Variants in ZBTB46 observed in about 807,000 individuals in gnomAD.
ZBTB46 encodes the protein zinc finger and BTB domain containing 46, also known as zinc finger and BTB domain-containing protein 46.
A neutral mutation model predicts 44.1 loss-of-function variants in ZBTB46; 8 were observed. That is an observed-to-expected ratio of 0.18 (90% CI 0.11 to 0.33). The LOEUF is 0.33. ZBTB46 is among the 10% of genes least tolerant of loss of function. The probability of loss-of-function intolerance (pLI) is 1.00; values close to 1 mark genes in which losing one functional copy is unlikely to be tolerated. For synonymous variants in ZBTB46, 409 were observed against 382.3 expected (o/e 1.07, Z -0.81); for missense variants, 651 against 847.7 (o/e 0.77, Z 2.88).
chr20:63,804,491 G>C (rs1428877778), intron 1 of ZBTB46, among the ~76,000 whole-genome samples: 2 of 152,050 alleles, frequency 1.3e-5, no homozygotes, highest in Non-Finnish European at 2.9e-5. Flanking sequence ...TTCTTACACT[G>C]ACAGCACACA....
At chr20:63,826,134 G>T (rs1264312089) in intron 1 of ZBTB46, among the ~76,000 whole-genome samples, 1 of 152,258 alleles carries the variant, frequency 6.6e-6, no homozygotes, top group Non-Finnish European at 1.5e-5. Flanking sequence ...CTGTGCAAGA[G>T]GCTTCATTTT....
chr20:63,777,069 ACGCCACGGTTCCAC>A (rs2092432000), intron 2 of ZBTB46, among the ~76,000 whole-genome samples: 1 of 43,536 alleles, frequency 2.3e-5, no homozygotes, highest in Admixed American at 2.6e-4. Flanking sequence ...GTTCCAGCAC[ACGCCACGGTTCCAC>A]CACACGCCAC....
intron 1 of ZBTB46, among the ~76,000 whole-genome samples, chr20:63,798,971 C>T (rs1187117506): frequency 6.6e-6 from 1 of 152,124 alleles, no homozygotes; most frequent in Non-Finnish European, 1.5e-5. Flanking sequence ...TGGCCGCAGC[C>T]ATCTGTCCAG....
chr20:63,758,073 G>C (rs2092239142), intron 3 of ZBTB46, among the ~76,000 whole-genome samples: 1 of 8,774 alleles, frequency 1.1e-4, no homozygotes, highest in Non-Finnish European at 1.8e-4. Flanking sequence ...CCCTCCACCC[G>C]CCCATCCAGA....
intron 3 of ZBTB46, among the ~76,000 whole-genome samples, chr20:63,764,063 G>T (rs895598080): frequency 1.3e-5 from 2 of 151,746 alleles, no homozygotes; most frequent in African/African-American, 4.8e-5. Context: ...CGACCTCCTG[G>T]GCTCAAGCGA....
At chr20:63,770,694 CGGACGCT>C (rs1016156201) in intron 3 of ZBTB46, among the ~76,000 whole-genome samples, 3 of 123,602 alleles carry the variant, frequency 2.4e-5, no homozygotes, top group Non-Finnish European at 5.5e-5. Context: ...TTGCCACGGC[CGGACGCT>C]GTTTGTTGAA....
intron 1 of ZBTB46, among the ~76,000 whole-genome samples, chr20:63,819,311 T>C (rs6011155): frequency 0.42 from 63,258 of 152,030 alleles, 13,592 homozygotes; most frequent in East Asian, 0.6. Flanking sequence ...GCACCCGGGA[T>C]GCTAATGGAT....
At chr20:63,747,768 G>A (rs1024010816) in intron 4 of ZBTB46, among the ~76,000 whole-genome samples, 17 of 152,212 alleles carry the variant, frequency 1.1e-4, no homozygotes, top group Admixed American at 5.9e-4. Context: ...CCCCTCCCCC[G>A]CAAACCCAGC....
upstream of ZBTB46, among the ~76,000 whole-genome samples, chr20:63,831,480 G>T (rs1316026793): frequency 6.9e-6 from 1 of 145,778 alleles, no homozygotes; most frequent in African/African-American, 2.5e-5. Flanking sequence ...GGGGTCGCAG[G>T]GGGCCGCGCC....
At chr20:63,807,338 T>C (rs1417855522) in intron 1 of ZBTB46, among the ~76,000 whole-genome samples, 2 of 152,196 alleles carry the variant, frequency 1.3e-5, no homozygotes, top group Non-Finnish European at 2.9e-5. Flanking sequence ...TATAGGTCTA[T>C]TCAGATTTTC....
chr20:63,781,246 G>C (rs916061114), intron 2 of ZBTB46, among the ~76,000 whole-genome samples: 1 of 151,654 alleles, frequency 6.6e-6, no homozygotes, highest in Non-Finnish European at 1.5e-5. Flanking sequence ...GAACACCTAG[G>C]AACTCTCACC....
intron 1 of ZBTB46, among the ~76,000 whole-genome samples, chr20:63,808,979 AAAAAAAAAAAAAAAAAAAAAGAAAAAG>A (rs1330418319): frequency 2.0e-5 from 2 of 98,064 alleles, no homozygotes; most frequent in Admixed American, 1.0e-4. Context: ...TCCGCTTCAA[AAAAAAAAAAAAAAAAAAAAAGAAAAAG>A]AAAAAAAAAA....
At chr20:63,816,130 A>AGTG (rs2092755860) in intron 1 of ZBTB46, among the ~76,000 whole-genome samples, 2 of 101,632 alleles carry the variant, frequency 2.0e-5, no homozygotes, top group Non-Finnish European at 1.9e-5. Flanking sequence ...AGGTGGGCGC[A>AGTG]GGTGCAGTGG....
chr20:63,817,732 GGAA>G (rs893559324), intron 1 of ZBTB46, among the ~76,000 whole-genome samples: 6 of 141,184 alleles, frequency 4.2e-5, no homozygotes, highest in African/African-American at 1.4e-4. Context: ...AAAAAAAAAA[GGAA>G]GAAGAAGAAA....
In ZBTB46 at chr20:63,752,883, G is replaced by T; in HGVS notation, c.1223-22C>A. On this transcript the variant is annotated intron_variant, in intron 3 of 4. Coordinates refer to ENST00000245663, the MANE Select transcript of ZBTB46 (RefSeq NM_001369741.1). The surrounding 1 kb of genome is among the most constrained non-coding windows in gnomAD (Gnocchi z 5.6). ...TTCACTGAAAGAGAGGGACCCGCGAGGCGTCAGCAGGGCTTGGGATGTACC... is the reference window on the plus strand; with the variant it reads ...TTCACTGAAAGAGAGGGACCCGCGATGCGTCAGCAGGGCTTGGGATGTACC... The T allele has an allele frequency of 6.3e-7, 1 of 1,579,926 alleles. No homozygotes were observed. The highest frequency in any genetic ancestry group is 1.1e-5 in the South Asian group (1 of 88,748).
intron 1 of ZBTB46, among the ~76,000 whole-genome samples, chr20:63,827,763 T>C (rs1321331053): frequency 6.6e-6 from 1 of 152,270 alleles, no homozygotes; most frequent in Non-Finnish European, 1.5e-5. Context: ...TTAATAATTT[T>C]AAATTGTAAA....
intron 1 of ZBTB46, among the ~76,000 whole-genome samples, chr20:63,816,046 G>A (rs1175145867): frequency 6.7e-6 from 1 of 149,514 alleles, no homozygotes; most frequent in Non-Finnish European, 1.5e-5. Context: ...GGTGCGGTGG[G>A]TGCAGGTGCG....
At chr20:63,789,767 T>A (rs893768956) in intron 2 of ZBTB46, 54 bp downstream of exon 2, 10 of 1,554,370 alleles carry the variant, frequency 6.4e-6, no homozygotes, top group Non-Finnish European at 8.7e-6. Context: ...CACGCGGCCG[T>A]GAGGCCTGGA....
At chr20:63,804,069 C>T (rs1391897940) in intron 1 of ZBTB46, among the ~76,000 whole-genome samples, 2 of 152,158 alleles carry the variant, frequency 1.3e-5, no homozygotes, top group Non-Finnish European at 2.9e-5. Context: ...ACACCTCTCA[C>T]TGCCCTGCGC....
Sources: gnomAD v4.1 joint callset for allele counts (sites outside exome capture counted in the v4.1 genomes callset) on GRCh38, gnomAD v4.1.1 for gene constraint, Gnocchi (gnomAD v3.1) non-coding constraint, MANE v1.5 for transcripts, NCBI Gene and HGNC (gene_info 2026-07-23, HGNC 2026-07-21) for gene names.